Variants in SLC6A15 observed in about 807,000 individuals in gnomAD.
SLC6A15 encodes sodium-dependent neutral amino acid transporter B(0)AT2.
Under a neutral mutation model 68.5 loss-of-function variants are expected in SLC6A15, and 33 were observed. The observed-to-expected ratio is 0.48, with a 90% CI of 0.37 to 0.64. SLC6A15 has a LOEUF of 0.64. SLC6A15 is among the 30% of genes least tolerant of loss of function. The pLI is 0.00. For missense variants in SLC6A15, 747 were observed against 874.3 expected (o/e 0.85, Z 1.84); for synonymous variants, 347 against 301.0 (o/e 1.15, Z -1.58).
rs1565717480 is a variant in SLC6A15, at chr12:84,860,175, A to G, written c.*1457T>C. The G allele has an allele frequency of 6.6e-6, 1 of 152,122 alleles. No homozygotes were observed. 9.4% of individuals were successfully genotyped at this position (152,122 alleles called of 1,614,324 possible). A position where few individuals can be genotyped will look rare whatever the true frequency, so the allele number is the denominator to read the frequency against. On this transcript the variant is annotated 3_prime_UTR_variant, in exon 12 of 12. Transcript: ENST00000266682. Reference sequence around the variant, plus strand: ...TAGCAGAGCGAGAATACTGGCTGAAATAAATCAATTGATATGGCATGTGTA... The same window carrying G: ...TAGCAGAGCGAGAATACTGGCTGAAGTAAATCAATTGATATGGCATGTGTA...
chr12:84,902,489 A>G (rs945096839), intron 1 of SLC6A15, among the ~76,000 whole-genome samples: 1 of 151,884 alleles, frequency 6.6e-6, no homozygotes, highest in Non-Finnish European at 1.5e-5. Flanking sequence ...GTAACCAGCA[A>G]CTATATTTCA....
At chr12:84,888,482 G>A (rs1200912908) in intron 2 of SLC6A15, among the ~76,000 whole-genome samples, 1 of 152,002 alleles carries the variant, frequency 6.6e-6, no homozygotes, top group Non-Finnish European at 1.5e-5. Flanking sequence ...GGAGCTGGAG[G>A]CCATTATTCT....
Position 84,860,098 on chromosome 12 carries a change from C to T in SLC6A15, c.*1534G>A, listed in dbSNP as rs1019012921. The T allele has an allele frequency of 6.6e-6, 1 of 151,904 alleles. No homozygotes were observed. The highest frequency in any genetic ancestry group is 6.6e-5 in the Admixed American group (1 of 15,256). 9.4% of individuals were successfully genotyped at this position (151,904 alleles called of 1,614,324 possible). The stretch of plus-strand genomic sequence containing the variant: ...TTTAAAAGACTAAAAATTTATGCAC[C>T]AGTGGATTTAATACTTTAAATGCTG... On this transcript the variant is annotated 3_prime_UTR_variant, in exon 12 of 12. Transcript: ENST00000266682.
At chr12:84,874,913 C>T (rs1281366796) in intron 6 of SLC6A15, among the ~76,000 whole-genome samples, 1 of 152,068 alleles carries the variant, frequency 6.6e-6, no homozygotes, top group African/African-American at 2.4e-5. Flanking sequence ...AGTATCACAT[C>T]CTACAGAAAT....
intron 1 of SLC6A15, among the ~76,000 whole-genome samples, chr12:84,908,114 A>T (rs1023336367): frequency 1.3e-5 from 2 of 152,146 alleles, no homozygotes; most frequent in Non-Finnish European, 2.9e-5. Context: ...TTGTAACTTA[A>T]CTGTATCAAT....
At chr12:84,867,857 A>G (rs1253728796) in intron 9 of SLC6A15, 1 of 152,180 alleles carries the variant, frequency 6.6e-6, no homozygotes, top group South Asian at 2.1e-4. Flanking sequence ...GAGTTTCCCC[A>G]GTAATAGCTA....
At chr12:84,906,708 C>T (rs529087452) in intron 1 of SLC6A15, among the ~76,000 whole-genome samples, 4 of 152,130 alleles carry the variant, frequency 2.6e-5, no homozygotes, top group Non-Finnish European at 4.4e-5. Flanking sequence ...ACAAATTGTT[C>T]GGGAAATAAT....
chr12:84,875,566 A>G lies in SLC6A15; in HGVS notation c.867+931T>C, dbSNP rs138881635. On this transcript the variant is annotated intron_variant, in intron 6 of 11. Coordinates refer to ENST00000266682, the MANE Select transcript of SLC6A15 (RefSeq NM_182767.6). ...CCTTCAGATAACTTTTAATTTCTAA[A>G]CTAATTTTGAAATCGTATCTTTAGA... Among the ~76,000 whole-genome samples the G allele has an allele frequency of 8.0e-4, 119 of 149,622 alleles. 2 individuals are homozygous for G. Among genetic ancestry groups the G allele is most frequent in the African/African-American group, 2.8e-3 (114 of 40,910 alleles).
At chr12:84,864,246 G>A (rs754230631) in intron 10 of SLC6A15, among the ~76,000 whole-genome samples, 8 of 149,950 alleles carry the variant, frequency 5.3e-5, no homozygotes, top group Non-Finnish European at 1.0e-4. Context: ...TTTACATTCC[G>A]AATTTCTAAA....
chr12:84,874,944 C>T (rs1414058387), intron 6 of SLC6A15, among the ~76,000 whole-genome samples: 1 of 152,134 alleles, frequency 6.6e-6, no homozygotes, highest in East Asian at 1.9e-4. Flanking sequence ...CTTATCAACA[C>T]TCAATGAAAA....
In SLC6A15 at chr12:84,860,036, T is replaced by A. The variant is rs1870780960; in HGVS notation, c.*1596A>T. 1 of 152,052 alleles carries A rather than the reference T, an allele frequency of 6.6e-6. No individual in the cohort carries two copies. The allele number at this position is 152,052 out of a possible 1,614,324, so 9.4% of individuals were successfully genotyped here. ...CTGCCTATTTATAAAATATTAAACA[T>A]TTTAAAGGGATACAAACACAATATT... On this transcript the variant is annotated 3_prime_UTR_variant, in exon 12 of 12. Coordinates refer to ENST00000266682, the MANE Select transcript of SLC6A15 (RefSeq NM_182767.6).
intron 6 of SLC6A15, among the ~76,000 whole-genome samples, chr12:84,875,191 A>C (rs1871462901): frequency 1.3e-5 from 2 of 152,188 alleles, no homozygotes; most frequent in South Asian, 4.1e-4. Context: ...AACTCAGAAA[A>C]CATTTTCTTC....
chr12:84,904,301 A>G (rs1473717686), intron 1 of SLC6A15, among the ~76,000 whole-genome samples: 2 of 150,820 alleles, frequency 1.3e-5, no homozygotes, highest in African/African-American at 2.4e-5. Context: ...CATAAGAACA[A>G]AGGTATTGAT....
intron 4 of SLC6A15, 135 bp downstream of exon 4, chr12:84,885,300 G>A: frequency 1.2e-6 from 1 of 848,512 alleles, no homozygotes; most frequent in East Asian, 3.2e-5. Flanking sequence ...TCCTGAATGT[G>A]AGCAAAGTCT....
chr12:84,892,563 T>C (rs1345623390), intron 1 of SLC6A15, among the ~76,000 whole-genome samples: 1 of 152,144 alleles, frequency 6.6e-6, no homozygotes, highest in African/African-American at 2.4e-5. Context: ...ATAATGAATA[T>C]TCTGTTCATT....
intron 2 of SLC6A15, among the ~76,000 whole-genome samples, chr12:84,889,179 A>T (rs77626920): frequency 0.041 from 6,181 of 152,182 alleles, 401 homozygotes; most frequent in African/African-American, 0.14. Flanking sequence ...GGCTGCCTAT[A>T]CTTCAGGTAA....
chr12:84,889,869 C>T (rs183050032), intron 2 of SLC6A15, among the ~76,000 whole-genome samples: 1 of 152,318 alleles, frequency 6.6e-6, no homozygotes, highest in Non-Finnish European at 1.5e-5. Context: ...AGTCTCTATA[C>T]TATACCACCT....
At chr12:84,910,148 C>A (rs1240579174) in intron 1 of SLC6A15, among the ~76,000 whole-genome samples, 1 of 151,686 alleles carries the variant, frequency 6.6e-6, no homozygotes, top group Non-Finnish European at 1.5e-5. Flanking sequence ...TTTCTTAATT[C>A]GATTAAAATA....
At chr12:84,862,967 C>A (rs1428195564) in intron 11 of SLC6A15, among the ~76,000 whole-genome samples, 1 of 151,964 alleles carries the variant, frequency 6.6e-6, no homozygotes, top group Non-Finnish European at 1.5e-5. Flanking sequence ...TTTTTTTCAT[C>A]TTTTGTAGAG....
Sources: gnomAD v4.1 joint callset for allele counts (sites outside exome capture counted in the v4.1 genomes callset) on GRCh38, gnomAD v4.1.1 for gene constraint, MANE v1.5 for transcripts, NCBI Gene and HGNC (gene_info 2026-07-23, HGNC 2026-07-21) for gene names.